ARHGAP32: variants seen among roughly 807,000 people sequenced by gnomAD.
The protein encoded by ARHGAP32 is Rho GTPase activating protein 32.
In ARHGAP32, 51 loss-of-function variants were observed where a neutral mutation model predicts 186.5. The observed-to-expected ratio is 0.27, with a 90% CI of 0.22 to 0.35. The LOEUF (loss-of-function observed/expected upper bound fraction) is 0.35. ARHGAP32 is among the 10% of genes least tolerant of loss of function. The pLI is 1.00. For synonymous variants in ARHGAP32, 950 were observed against 964.3 expected, an observed-to-expected ratio of 0.99 and a Z score of 0.27; for missense variants, 2,186 against 2,623.5, an observed-to-expected ratio of 0.83 and a Z score of 3.64.
At chr11:129,148,164 T>C (rs1943210412) in intron 2 of ARHGAP32, among the ~76,000 whole-genome samples, 1 of 152,324 alleles carries the variant, frequency 6.6e-6, no homozygotes. Context: ...CCATGATCTT[T>C]ACCATGATCT....
At chr11:129,169,914 C>T (rs971618505) in intron 1 of ARHGAP32, among the ~76,000 whole-genome samples, 1 of 151,950 alleles carries the variant, frequency 6.6e-6, no homozygotes, top group Non-Finnish European at 1.5e-5. Context: ...ATAAAAGGAA[C>T]ACTTCCCAAT....
At position 128,972,778 on chromosome 11, in the gene ARHGAP32, T is replaced by A. The variant is rs201362381; in HGVS notation, c.3728A>T (p.Glu1243Val). ...ASVDKLHHPL[E>V]FADKSPTPPN... ...AGGTGTGGGAGATTTGTCTGCAAAT[T>A]CTAAAGGGTGATGGAGTTTATCCAC... Residue 1243 changes from glutamate to valine, a missense_variant, in exon 22 of 23, where the codon GAA (glutamate) becomes GTA (valine). By Grantham distance (121) the Glu-to-Val change is moderately radical. Coordinates refer to ENST00000682385, the MANE Select transcript of ARHGAP32 (RefSeq NM_001378024.1). 2 of 1,613,950 alleles carry A rather than the reference T, an allele frequency of 1.2e-6. No individual in the cohort carries two copies. The highest frequency in any genetic ancestry group is 1.7e-6 in the Non-Finnish European group (2 of 1,179,986).
At chr11:129,264,324 T>C (rs1026180462) in intron 1 of ARHGAP32, among the ~76,000 whole-genome samples, 1 of 152,232 alleles carries the variant, frequency 6.6e-6, no homozygotes, top group Non-Finnish European at 1.5e-5. Context: ...TGCACAATAA[T>C]GTGAATATAT....
chr11:129,268,687 A>T (rs1216832145), intron 1 of ARHGAP32, among the ~76,000 whole-genome samples: 1 of 150,266 alleles, frequency 6.7e-6, no homozygotes, highest in Non-Finnish European at 1.5e-5. Context: ...AAAAAAAAAA[A>T]AAAAAAAAGG....
chr11:129,031,353 G>T lies in ARHGAP32; in HGVS notation c.1045+9575C>A, dbSNP rs116736951. ...AATAATAATCTTGCCTCACTTTTCA[G>T]TTATGGAAATTGAAAATCAGAGAGG... On this transcript the variant is annotated intron_variant, in intron 11 of 22. Transcript: ENST00000682385. Among the ~76,000 whole-genome samples, 968 of 152,278 alleles carry T rather than the reference G, an allele frequency of 6.4e-3. 7 individuals are homozygous for T. The highest frequency in any genetic ancestry group is 0.022 in the African/African-American group (908 of 41,554).
chr11:129,060,384 A>ATAGATAG (rs1565401813), intron 10 of ARHGAP32, among the ~76,000 whole-genome samples: 15 of 134,258 alleles, frequency 1.1e-4, no homozygotes, highest in African/African-American at 3.7e-4. Context: ...TAGATAGATA[A>ATAGATAG]GATAGACAGA....
At chr11:129,126,929 A>G (rs1320216270) in intron 2 of ARHGAP32, among the ~76,000 whole-genome samples, 1 of 152,230 alleles carries the variant, frequency 6.6e-6, no homozygotes, top group Admixed American at 6.5e-5. Flanking sequence ...CGCCAAGCTT[A>G]GATTCTTACT....
chr11:129,105,619 C>T (rs187399877), intron 5 of ARHGAP32, among the ~76,000 whole-genome samples: 88 of 152,032 alleles, frequency 5.8e-4, no homozygotes, highest in Non-Finnish European at 9.7e-4. Context: ...AAAAAAAAAT[C>T]ACCAAACAAA....
chr11:128,978,911 T>C lies in ARHGAP32; in HGVS notation c.1981A>G (p.Arg661Gly). The change falls in exon 19 of 23, where the codon AGG (arginine) becomes GGG (glycine). Residue 661 changes from arginine to glycine, a missense_variant. Arg to Gly is a moderately radical substitution (Grantham distance 125). Around this residue, in one of 5 missense-constraint regions of ARHGAP32, gnomAD observed 263 missense variants for 323.5 expected, o/e 0.81. Coordinates refer to ENST00000682385, the MANE Select transcript of ARHGAP32 (RefSeq NM_001378024.1). ...TIIEFPLERK[R>G]PQNKMKKSPV... ...GACTTTTTCATCTTATTTTGAGGCCTCTTTCTATGAAAGAGAAAAAATAAT... is the reference window on the plus strand; with the variant it reads ...GACTTTTTCATCTTATTTTGAGGCCCCTTTCTATGAAAGAGAAAAAATAAT... The C allele has an allele frequency of 6.2e-7, 1 of 1,600,214 alleles. No homozygotes were observed.
intron 1 of ARHGAP32, among the ~76,000 whole-genome samples, chr11:129,261,573 C>T (rs1036774699): frequency 6.6e-6 from 1 of 152,162 alleles, no homozygotes; most frequent in Non-Finnish European, 1.5e-5. Context: ...CCCATTTCGA[C>T]TAGACAGAAA....
rs1429049096 is a variant in ARHGAP32, at chr11:129,200,676, G to A, written c.-4-36249C>T. Among the ~76,000 whole-genome samples, 11 of 152,144 alleles carry A rather than the reference G, an allele frequency of 7.2e-5. 1 individual carries two copies. In the South Asian group the frequency reaches 2.3e-3, roughly 32 times the overall value. ...ACTAATACAACAAGCAACTTAAATT[G>A]AGTCTCAGTTTCGTAATCTCTAAAA... On this transcript the variant is annotated intron_variant, in intron 1 of 6. Coordinates refer to the ARHGAP32 transcript ENST00000525234.
intron 12 of ARHGAP32, 101 bp downstream of exon 12, chr11:128,998,218 A>G: frequency 1.0e-6 from 1 of 988,120 alleles, no homozygotes; most frequent in South Asian, 3.0e-5. Context: ...ACTGAAATGA[A>G]ACAGGTATCA....
chr11:129,046,978 A>G (rs1768449249), intron 10 of ARHGAP32, among the ~76,000 whole-genome samples: 1 of 151,864 alleles, frequency 6.6e-6, no homozygotes, highest in African/African-American at 2.4e-5. Flanking sequence ...AATACAAAAA[A>G]TTAGCCGGGC....
rs1336904605 is a variant in ARHGAP32 at position 128,986,205 on chromosome 11, G to GGAGGATGT, written c.1444-121_1444-120insACATCCTC. Reference sequence around the variant, plus strand: ...TTTGCTCTTGGATGTGAAATGGCGAGGAAACACAACATTGTATTCAGGAAG... The same window carrying GGAGGATGT: ...TTTGCTCTTGGATGTGAAATGGCGAGGAGGATGTGAAACACAACATTGTATTCAGGAAG... On this transcript the variant is annotated intron_variant, in intron 14 of 22. Coordinates refer to ENST00000682385, the MANE Select transcript of ARHGAP32 (RefSeq NM_001378024.1). 1.5e-4 allele frequency: 113 copies of GGAGGATGT among 773,880 alleles called. 1 individual carries two copies. In the African/African-American group the frequency reaches 1.7e-3, roughly 12 times the overall value. 47.9% of individuals were successfully genotyped at this position (773,880 alleles called of 1,614,324 possible). A position where few individuals can be genotyped will look rare whatever the true frequency, so the allele number is the denominator to read the frequency against.
intron 1 of ARHGAP32, among the ~76,000 whole-genome samples, chr11:129,164,909 G>C (rs1410466199): frequency 6.6e-6 from 1 of 152,266 alleles, no homozygotes; most frequent in Non-Finnish European, 1.5e-5. Context: ...ATATAAAACA[G>C]CTTGTCTGAA....
At chr11:129,016,018 A>G (rs1008322784) in intron 11 of ARHGAP32, among the ~76,000 whole-genome samples, 1 of 152,124 alleles carries the variant, frequency 6.6e-6, no homozygotes. Flanking sequence ...TATACACTCT[A>G]ATTAGATGTA....
chr11:129,073,513 A>C (rs680909), intron 6 of ARHGAP32, among the ~76,000 whole-genome samples: 1 of 152,204 alleles, frequency 6.6e-6, no homozygotes, highest in Non-Finnish European at 1.5e-5. Flanking sequence ...AGGGTATCAC[A>C]ATAGAAACAA....
intron 11 of ARHGAP32, among the ~76,000 whole-genome samples, chr11:129,005,896 C>T (rs1937741797): frequency 1.3e-5 from 2 of 152,144 alleles, no homozygotes; most frequent in South Asian, 4.1e-4. Context: ...CCAATTGAGA[C>T]TATTTTCTAG....
intron 5 of ARHGAP32, among the ~76,000 whole-genome samples, chr11:129,100,823 AAC>A (rs1016453621): frequency 5.9e-5 from 9 of 152,148 alleles, no homozygotes; most frequent in African/African-American, 9.6e-5. Flanking sequence ...CACAGTAACC[AAC>A]AGAGGGCCTC....
Sources: allele counts gnomAD v4.1 joint callset (sites outside exome capture counted in the v4.1 genomes callset), GRCh38; gene constraint gnomAD v4.1.1; regional missense constraint gnomAD v4.1.1; transcripts MANE v1.5; gene names NCBI Gene and HGNC (gene_info 2026-07-23, HGNC 2026-07-21).